The following NFYC variants were observed in gnomAD, a reference collection of about 807,000 sequenced individuals.
The protein encoded by NFYC is CAAT box DNA-binding protein subunit C.
Under a neutral mutation model 53.1 loss-of-function variants are expected in NFYC, and 25 were observed. The observed-to-expected ratio is 0.47, with a 90% CI of 0.34 to 0.66. The LOEUF is 0.66. NFYC is among the 30% of genes least tolerant of loss of function. NFYC has a pLI of 0.01. For missense variants in NFYC, 260 were observed against 422.7 expected, an observed-to-expected ratio of 0.62 and a Z score of 3.38; for synonymous variants, 145 against 152.6, an observed-to-expected ratio of 0.95 and a Z score of 0.37.
rs1413502147 is a variant in NFYC at position 40,771,437 on chromosome 1, G to A, written c.*609G>A. On this transcript the variant is annotated 3_prime_UTR_variant, in exon 10 of 10. Transcript: ENST00000447388. The stretch of plus-strand genomic sequence containing the variant: ...GACAGATTTATTCCCTGTGGAGAGT[G>A]GGTGGATTCATTGCCACACTCTTTT... 1 of 470,876 alleles carries A rather than the reference G, an allele frequency of 2.1e-6. No individual in the cohort carries two copies. Among genetic ancestry groups the A allele is most frequent in the South Asian group, 1.6e-5 (1 of 64,498 alleles). 29.2% of individuals were successfully genotyped at this position (470,876 alleles called of 1,614,324 possible). A position where few individuals can be genotyped will look rare whatever the true frequency, so the allele number is the denominator to read the frequency against.
At chr1:40,753,298 C>T (rs1646018270) in intron 5 of NFYC, 52 bp downstream of exon 5, 2 of 1,252,892 alleles carry the variant, frequency 1.6e-6, no homozygotes, top group Non-Finnish European at 2.3e-6. Context: ...GCTTTGTATA[C>T]TGGTGTCAGA....
chr1:40,705,289 T>TCCCCAC (rs1393015790), intron 1 of NFYC, among the ~76,000 whole-genome samples: 1 of 150,880 alleles, frequency 6.6e-6, no homozygotes, highest in African/African-American at 2.4e-5. Flanking sequence ...ATTCTTCTGC[T>TCCCCAC]CCCCACCCCC....
chr1:40,744,851 T>C (rs933558868), intron 2 of NFYC, among the ~76,000 whole-genome samples: 3 of 152,196 alleles, frequency 2.0e-5, no homozygotes, highest in Admixed American at 6.5e-5. Flanking sequence ...ATCTACTGAT[T>C]GTAGAGGGCC....
chr1:40,762,434 A>G (rs1239616814), intron 6 of NFYC, among the ~76,000 whole-genome samples: 1 of 152,232 alleles, frequency 6.6e-6, no homozygotes, highest in African/African-American at 2.4e-5. Flanking sequence ...TTACATGCCT[A>G]AGAAAGAGCA....
rs150095534 is a variant in NFYC, at chr1:40,694,288, A to G, written c.-9+2421A>G. Among the ~76,000 whole-genome samples the G allele has an allele frequency of 3.2e-4, 48 of 152,334 alleles. 1 individual carries two copies. In the East Asian group the frequency reaches 8.1e-3, roughly 26 times the overall value. On this transcript the variant is annotated intron_variant, in intron 1 of 9. Transcript: ENST00000447388. Reference sequence around the variant, plus strand: ...TTGATTCTAGGATATGCTTATCCTGAACAATGTGTAAAATTAAGACTGGAT... The same window carrying G: ...TTGATTCTAGGATATGCTTATCCTGGACAATGTGTAAAATTAAGACTGGAT...
chr1:40,739,473 T>C (rs1645225014), intron 2 of NFYC, among the ~76,000 whole-genome samples: 2 of 152,220 alleles, frequency 1.3e-5, no homozygotes, highest in South Asian at 4.1e-4. Context: ...GGCCGTCTTA[T>C]GCATAACAGC....
intron 1 of NFYC, among the ~76,000 whole-genome samples, chr1:40,698,869 A>G (rs541995137): frequency 1.3e-5 from 2 of 152,276 alleles, no homozygotes; most frequent in Non-Finnish European, 2.9e-5. Flanking sequence ...TGTTTTAATA[A>G]GAGGAATGAG....
chr1:40,745,779 C>G (rs1440080047), intron 2 of NFYC, among the ~76,000 whole-genome samples: 2 of 152,224 alleles, frequency 1.3e-5, no homozygotes, highest in Non-Finnish European at 2.9e-5. Context: ...GGGGATCCCT[C>G]CCCTCCAGTA....
At chr1:40,713,598 A>C (rs538385642) in intron 1 of NFYC, among the ~76,000 whole-genome samples, 1 of 152,210 alleles carries the variant, frequency 6.6e-6, no homozygotes, top group African/African-American at 2.4e-5. Flanking sequence ...GAATACATCT[A>C]AATTAGGCTG....
At position 40,771,536 on chromosome 1, in the gene NFYC, A is replaced by C. The variant is rs1161266699; in HGVS notation, c.*708A>C. The stretch of plus-strand genomic sequence containing the variant: ...CCCTTTTATTTTTTAAATGCATTAA[A>C]AACTGTGCTAGTCTCCTTTGCATGG... On this transcript the variant is annotated 3_prime_UTR_variant, in exon 10 of 10. Coordinates refer to ENST00000447388, the MANE Select transcript of NFYC (RefSeq NM_014223.5). 1.4e-5 allele frequency: 6 copies of C among 442,198 alleles called. No homozygotes were observed. Among genetic ancestry groups the C allele is most frequent in the Non-Finnish European group, 2.8e-5 (6 of 213,284 alleles). 27.4% of individuals were successfully genotyped at this position (442,198 alleles called of 1,614,324 possible).
intron 1 of NFYC, among the ~76,000 whole-genome samples, chr1:40,724,089 G>A (rs888207933): frequency 6.6e-6 from 1 of 152,184 alleles, no homozygotes; most frequent in African/African-American, 2.4e-5. Flanking sequence ...CTAATTAGGG[G>A]CTGGACATGG....
intron 6 of NFYC, among the ~76,000 whole-genome samples, chr1:40,759,204 G>A (rs1646397879): frequency 6.6e-6 from 1 of 150,960 alleles, no homozygotes; most frequent in Non-Finnish European, 1.5e-5. Context: ...ACTTCAGCCT[G>A]GGCAGCACAG....
intron 1 of NFYC, among the ~76,000 whole-genome samples, chr1:40,708,265 T>C (rs923790657): frequency 3.3e-5 from 5 of 152,208 alleles, no homozygotes; most frequent in African/African-American, 1.2e-4. Context: ...TGTGCCCTGA[T>C]TGTGCCTGCA....
At chr1:40,730,904 A>G (rs1020432199) in intron 1 of NFYC, among the ~76,000 whole-genome samples, 28 of 152,212 alleles carry the variant, frequency 1.8e-4, no homozygotes, top group African/African-American at 1.7e-4. Flanking sequence ...TTGATGAAGA[A>G]AAAAGAAACC....
intron 5 of NFYC, among the ~76,000 whole-genome samples, chr1:40,753,979 G>A (rs1287204813): frequency 1.3e-5 from 2 of 152,074 alleles, no homozygotes; most frequent in Non-Finnish European, 2.9e-5. Flanking sequence ...TCTTAATTGT[G>A]ATTGTAATAG....
intron 1 of NFYC, among the ~76,000 whole-genome samples, chr1:40,720,799 G>T (rs1644300554): frequency 1.3e-5 from 2 of 152,188 alleles, no homozygotes; most frequent in South Asian, 2.1e-4. Flanking sequence ...AACCCAGGAG[G>T]TTGAGGCTTC....
intron 1 of NFYC, among the ~76,000 whole-genome samples, chr1:40,737,807 G>A (rs921684502): frequency 3.3e-5 from 5 of 151,970 alleles, no homozygotes; most frequent in Admixed American, 6.5e-5. Context: ...AGACAGATTT[G>A]TCTGAGATTA....
chr1:40,694,790 A>G (rs1282050398), intron 1 of NFYC, among the ~76,000 whole-genome samples: 1 of 152,184 alleles, frequency 6.6e-6, no homozygotes, highest in Non-Finnish European at 1.5e-5. Context: ...AACTCTCAGG[A>G]AATCTCAGTA....
At chr1:40,721,219 G>T (rs939521786) in intron 1 of NFYC, among the ~76,000 whole-genome samples, 3 of 152,168 alleles carry the variant, frequency 2.0e-5, no homozygotes, top group Non-Finnish European at 4.4e-5. Flanking sequence ...CTTTACATTT[G>T]TACTGTAAAG....
Sources: allele counts gnomAD v4.1 joint callset (sites outside exome capture counted in the v4.1 genomes callset), GRCh38; gene constraint gnomAD v4.1.1; transcripts MANE v1.5; gene names NCBI Gene and HGNC (gene_info 2026-07-23, HGNC 2026-07-21).